The following ELOVL7 variants were observed in gnomAD, a reference collection of about 807,000 sequenced individuals.
ELOVL7 encodes the protein very long chain fatty acid elongase 7.
ELOVL7 carries 27 observed loss-of-function variants against 35.7 expected under a neutral mutation model. The observed-to-expected ratio is 0.76, with a 90% CI of 0.56 to 1.04. ELOVL7 has a LOEUF of 1.04. ELOVL7 is among the 50% of genes least tolerant of loss of function. The pLI is 0.00. For missense variants in ELOVL7, 327 were observed against 340.8 expected (o/e 0.96, Z 0.32); for synonymous variants, 113 against 114.6 (o/e 0.99, Z 0.09).
chr5:60,780,114 CTT>C (rs59345433), intron 3 of ELOVL7, among the ~76,000 whole-genome samples: 20,962 of 123,742 alleles, frequency 0.17, 3,238 homozygotes, highest in African/African-American at 0.44. Context: ...CAAACTTTCC[CTT>C]TTTTTTTTTT....
At chr5:60,787,888 T>C (rs780480154) in intron 2 of ELOVL7, among the ~76,000 whole-genome samples, 1 of 152,210 alleles carries the variant, frequency 6.6e-6, no homozygotes, top group East Asian at 1.9e-4. Context: ...GTCATCTATA[T>C]GCAAATTTTT....
At chr5:60,825,475 C>T (rs1194908164) in intron 1 of ELOVL7, among the ~76,000 whole-genome samples, 2 of 152,140 alleles carry the variant, frequency 1.3e-5, no homozygotes, top group East Asian at 1.9e-4. Context: ...ACTTGTTTAC[C>T]GTCTGGCCCT....
At chr5:60,772,694 G>A (rs189512203) in intron 3 of ELOVL7, among the ~76,000 whole-genome samples, 1 of 152,244 alleles carries the variant, frequency 6.6e-6, no homozygotes, top group Admixed American at 6.5e-5. Flanking sequence ...GCATACGGCA[G>A]GGGAGCAAAC....
intron 1 of ELOVL7, among the ~76,000 whole-genome samples, chr5:60,828,987 A>G (rs1579932847): frequency 6.6e-6 from 1 of 152,166 alleles, no homozygotes; most frequent in Non-Finnish European, 1.5e-5. Flanking sequence ...CCTTATTTTT[A>G]GAGGTATACT....
At chr5:60,756,557 T>G (rs1741551994) in intron 8 of ELOVL7, among the ~76,000 whole-genome samples, 1 of 152,274 alleles carries the variant, frequency 6.6e-6, no homozygotes, top group Admixed American at 6.5e-5. Flanking sequence ...GGTCATTTAG[T>G]TTGCTGCCAA....
intron 1 of ELOVL7, among the ~76,000 whole-genome samples, chr5:60,809,468 A>C (rs1156262929): frequency 6.6e-6 from 1 of 152,212 alleles, no homozygotes; most frequent in Non-Finnish European, 1.5e-5. Context: ...GTGACGACTG[A>C]GGTTCTGAAG....
intron 1 of ELOVL7, among the ~76,000 whole-genome samples, chr5:60,829,855 G>GAT (rs1173218270): frequency 3.9e-5 from 6 of 152,186 alleles, no homozygotes; most frequent in Non-Finnish European, 8.8e-5. Context: ...AGTGGCTACT[G>GAT]ATATATAGTT....
At chr5:60,762,680 G>A (rs952210924) in intron 7 of ELOVL7, among the ~76,000 whole-genome samples, 5 of 152,174 alleles carry the variant, frequency 3.3e-5, no homozygotes, top group African/African-American at 1.2e-4. Flanking sequence ...AAATTATAAG[G>A]ATGTGAAAGC....
intron 7 of ELOVL7, among the ~76,000 whole-genome samples, chr5:60,760,623 T>C (rs1584150604): frequency 6.6e-6 from 1 of 152,244 alleles, no homozygotes; most frequent in African/African-American, 2.4e-5. Context: ...TCTTTTGCTG[T>C]GCAGAAGCTC....
At chr5:60,814,382 A>G (rs146605526) in intron 1 of ELOVL7, among the ~76,000 whole-genome samples, 1,731 of 152,298 alleles carry the variant, frequency 0.011, 17 homozygotes, top group South Asian at 0.041. Flanking sequence ...AGGAGATTGC[A>G]GAGTTTTCTT....
Position 60,754,625 on chromosome 5 carries a change from C to T in ELOVL7, c.845G>A (p.Ter282=), listed in dbSNP as rs1265423967. 6.2e-7 allele frequency: 1 copy of T among 1,613,422 alleles called. No individual in the cohort carries two copies. The highest frequency in any genetic ancestry group is 1.7e-5 in the Admixed American group (1 of 59,982). The change falls in exon 9 of 9, where the codon TGA becomes TAA. Residue 282 remains the stop codon, a stop_retained_variant. Transcript: ENST00000508821. The part of the protein sequence containing the change: ...KNGTCKNKDN[*] ...TCGATCATAGACTTATGTTGGGCTT[C>T]AATTATCTTTGTTTTTGCAAGTTCC...
chr5:60,812,057 T>C (rs1186168784), intron 1 of ELOVL7, among the ~76,000 whole-genome samples: 13 of 151,996 alleles, frequency 8.6e-5, no homozygotes, highest in Non-Finnish European at 1.3e-4. Flanking sequence ...CTCTACAAAA[T>C]TGTTTTTAAA....
chr5:60,781,120 G>A (rs915573815), intron 3 of ELOVL7, among the ~76,000 whole-genome samples: 1 of 151,540 alleles, frequency 6.6e-6, no homozygotes, highest in African/African-American at 2.4e-5. Flanking sequence ...TGAGGCATGA[G>A]AAGAGCCTGA....
rs555525372 is a variant in ELOVL7 at position 60,805,990 on chromosome 5, T to C, written c.-85-6760A>G. 8.5e-5 allele frequency among the ~76,000 whole-genome samples: 13 copies of C among 152,362 alleles called. No individual in the cohort carries two copies. The South Asian group carries it at 2.1e-3, about 24-fold the overall frequency. On this transcript the variant is annotated intron_variant, in intron 1 of 8. Coordinates refer to ENST00000508821, the MANE Select transcript of ELOVL7 (RefSeq NM_024930.3). ...ATGTTAAAGTCCTAACCTCCAGTTC[T>C]TCAGGATGTGACCTTATTTGGAGAA...
At chr5:60,801,324 C>CA (rs202064164) in intron 1 of ELOVL7, among the ~76,000 whole-genome samples, 1,998 of 152,002 alleles carry the variant, frequency 0.013, 22 homozygotes, top group Non-Finnish European at 0.021. Flanking sequence ...AGCAATTATG[C>CA]AAAAAAGAAA....
At chr5:60,787,605 C>T (rs1579839207) in intron 2 of ELOVL7, 174 bp from the exon 3 acceptor site, 1 of 442,448 alleles carries the variant, frequency 2.3e-6, no homozygotes, top group East Asian at 4.5e-5. Context: ...GATGCAGTTG[C>T]AGACATTTCG....
intron 1 of ELOVL7, among the ~76,000 whole-genome samples, chr5:60,837,586 G>A (rs1211211570): frequency 6.6e-6 from 1 of 152,168 alleles, no homozygotes; most frequent in African/African-American, 2.4e-5. Context: ...CAGAGGTACA[G>A]ATGATGCCCA....
intron 1 of ELOVL7, among the ~76,000 whole-genome samples, chr5:60,842,480 A>C (rs568838000): frequency 3.2e-4 from 47 of 147,462 alleles, no homozygotes; most frequent in Non-Finnish European, 6.0e-4. Context: ...ACAAAGTCCC[A>C]AAAATCTATT....
At chr5:60,785,028 T>C (rs16878419) in intron 3 of ELOVL7, among the ~76,000 whole-genome samples, 4,171 of 152,232 alleles carry the variant, frequency 0.027, 150 homozygotes, top group African/African-American at 0.076. Context: ...TCACTTATGT[T>C]TTGCTAATAA....
Sources: allele counts gnomAD v4.1 joint callset (sites outside exome capture counted in the v4.1 genomes callset), GRCh38; gene constraint gnomAD v4.1.1; transcripts MANE v1.5; gene names NCBI Gene and HGNC (gene_info 2026-07-23, HGNC 2026-07-21).